Variants in PSD2 observed in about 807,000 individuals in gnomAD.
PSD2 encodes the protein PH and SEC7 domain-containing protein 2.
A neutral mutation model predicts 69.8 loss-of-function variants in PSD2; 38 were observed. The observed-to-expected ratio is 0.54, with a 90% CI of 0.42 to 0.71. PSD2 has a LOEUF of 0.71. Among genes scored for constraint, PSD2 ranks in the 30% least tolerant of loss-of-function variants. The pLI is 0.00. For synonymous variants in PSD2, 412 were observed against 423.0 expected, an observed-to-expected ratio of 0.97 and a Z score of 0.32; for missense variants, 943 against 1,014.5, an observed-to-expected ratio of 0.93 and a Z score of 0.96.
At chr5:139,764,521 G>A in the PSD2 span, among the ~76,000 whole-genome samples, 1 of 152,172 alleles carries the variant, frequency 6.6e-6, no homozygotes, top group Non-Finnish European at 1.5e-5. Flanking sequence ...CCGAGCGCCT[G>A]CCTGGCTGCG....
At chr5:139,764,599 G>C in the PSD2 span, among the ~76,000 whole-genome samples, 2 of 152,146 alleles carry the variant, frequency 1.3e-5, no homozygotes, top group South Asian at 2.1e-4. Context: ...CTCGAGCCGC[G>C]CGCCGCCCTC....
intron 7 of PSD2, among the ~76,000 whole-genome samples, chr5:139,823,958 A>G (rs1413684471): frequency 6.6e-6 from 1 of 152,164 alleles, no homozygotes; most frequent in Non-Finnish European, 1.5e-5. Flanking sequence ...AAGAGCAAAT[A>G]TGCGACAGCT....
intron 7 of PSD2, among the ~76,000 whole-genome samples, chr5:139,823,209 G>T (rs1760318140): frequency 6.6e-6 from 1 of 152,206 alleles, no homozygotes; most frequent in Non-Finnish European, 1.5e-5. Context: ...GGCTGTGTCT[G>T]GTCCAGGCCC....
chr5:139,836,982 T>A lies in PSD2; in HGVS notation c.1575T>A (p.Ala525=). The change falls in exon 10 of 15, where the codon GCT becomes GCA. Residue 525 remains alanine (A), a synonymous_variant. Coordinates refer to ENST00000274710, the MANE Select transcript of PSD2 (RefSeq NM_032289.4). The part of the protein sequence containing the change: ...KHGVLTRKTH[A]DMDGKRTPRG... ...GCGTCCTGACCCGGAAGACTCACGC[T>A]GACATGGATGGCAAGAGGAGTGGGT... The A allele has an allele frequency of 1.2e-6, 2 of 1,612,792 alleles. No homozygotes were observed. The highest frequency in any genetic ancestry group is 2.2e-5 in the South Asian group (2 of 91,032).
intron 5 of PSD2, among the ~76,000 whole-genome samples, chr5:139,820,819 A>C (rs915851683): frequency 6.6e-6 from 1 of 152,100 alleles, no homozygotes; most frequent in Non-Finnish European, 1.5e-5. Flanking sequence ...TGTTCTGTCC[A>C]AGGTGTAGCA....
the PSD2 span, among the ~76,000 whole-genome samples, chr5:139,782,703 G>A: frequency 1.3e-5 from 2 of 151,906 alleles, no homozygotes; most frequent in Non-Finnish European, 2.9e-5. Flanking sequence ...GTGTTGCCCA[G>A]GCTGGTCTCG....
At chr5:139,771,632 C>T in the PSD2 span, among the ~76,000 whole-genome samples, 3 of 152,180 alleles carry the variant, frequency 2.0e-5, no homozygotes, top group Non-Finnish European at 2.9e-5. Context: ...CCCACCTCGG[C>T]CTCCCAAAGT....
the PSD2 span, among the ~76,000 whole-genome samples, chr5:139,747,962 T>C: frequency 6.6e-6 from 1 of 152,234 alleles, no homozygotes; most frequent in African/African-American, 2.4e-5. This position sits in a 1 kb window ranked among gnomAD's most constrained non-coding sequence, Gnocchi z 6.7. Flanking sequence ...CCCATCACTT[T>C]GAGCAGCCAA....
At chr5:139,838,836 C>T in intron 13 of PSD2, 64 bp downstream of exon 13, 1 of 1,545,132 alleles carries the variant, frequency 6.5e-7, no homozygotes, top group Non-Finnish European at 8.9e-7. Context: ...GGCCCCCATC[C>T]AGCAGCCCCA....
the PSD2 span, among the ~76,000 whole-genome samples, chr5:139,744,100 G>C: frequency 6.6e-6 from 1 of 152,270 alleles, no homozygotes; most frequent in South Asian, 2.1e-4. Context: ...TTGACCATTG[G>C]AGGCCTGGGA....
At chr5:139,787,920 T>C in the PSD2 span, among the ~76,000 whole-genome samples, 2 of 152,166 alleles carry the variant, frequency 1.3e-5, no homozygotes, top group African/African-American at 4.8e-5. Flanking sequence ...TTGGAGCGGA[T>C]AGGAGACTTT....
At chr5:139,819,391 C>T (rs1264731385) in intron 5 of PSD2, among the ~76,000 whole-genome samples, 1 of 152,194 alleles carries the variant, frequency 6.6e-6, no homozygotes, top group East Asian at 1.9e-4. Flanking sequence ...GCAACACTGC[C>T]CCCTCTTCAA....
chr5:139,813,471 C>A lies in PSD2; in HGVS notation c.534C>A (p.Ala178=), dbSNP rs769452376. 14 of 1,613,892 alleles carry A rather than the reference C, an allele frequency of 8.7e-6. No individual in the cohort carries two copies. The South Asian group carries it at 1.5e-4, about 18-fold the overall frequency. ...GCGACAGCTGCGTCAGCTTCGAGGC[C>A]CCCCTCACACCCCTCATCCAGCAGC... ...DESDSCVSFE[A]PLTPLIQQRA... is the part of the protein sequence containing the mutation. The change falls in exon 3 of 15, where the codon GCC becomes GCA. Residue 178 remains alanine, a synonymous_variant. Coordinates refer to ENST00000274710, the MANE Select transcript of PSD2 (RefSeq NM_032289.4).
chr5:139,831,150 A>T (rs888304060), intron 7 of PSD2, among the ~76,000 whole-genome samples: 4 of 152,074 alleles, frequency 2.6e-5, no homozygotes, highest in African/African-American at 9.7e-5. Context: ...CTTCTGGCAG[A>T]TTGACCCTTT....
chr5:139,789,335 C>A, the PSD2 span, among the ~76,000 whole-genome samples: 1 of 152,194 alleles, frequency 6.6e-6, no homozygotes, highest in Non-Finnish European at 1.5e-5. Context: ...ACCTGCCCGG[C>A]CTGGGGGCAC....
intron 7 of PSD2, among the ~76,000 whole-genome samples, chr5:139,825,837 G>A (rs147786570): frequency 4.6e-5 from 7 of 152,254 alleles, no homozygotes; most frequent in African/African-American, 1.7e-4. Flanking sequence ...GAGATGGGGT[G>A]GGGTGGAATT....
the PSD2 span, among the ~76,000 whole-genome samples, chr5:139,762,763 G>A: frequency 6.6e-6 from 1 of 152,154 alleles, no homozygotes. Context: ...CCTCCCGGCA[G>A]AGCCAGCCCC....
chr5:139,790,359 G>T, the PSD2 span, among the ~76,000 whole-genome samples: 2 of 152,082 alleles, frequency 1.3e-5, no homozygotes, highest in Non-Finnish European at 2.9e-5. Flanking sequence ...TCTGACCTCA[G>T]GTGGAAAGGT....
the PSD2 span, among the ~76,000 whole-genome samples, chr5:139,781,493 G>A: frequency 6.7e-6 from 1 of 150,354 alleles, no homozygotes; most frequent in African/African-American, 2.5e-5. Context: ...CCGCCACCAC[G>A]CCCGGCTAAT....
Sources: gnomAD v4.1 joint callset for allele counts (sites outside exome capture counted in the v4.1 genomes callset) on GRCh38, gnomAD v4.1.1 for gene constraint, Gnocchi (gnomAD v3.1) non-coding constraint, MANE v1.5 for transcripts, NCBI Gene and HGNC (gene_info 2026-07-23, HGNC 2026-07-21) for gene names.